Variants in ARID1B observed in about 807,000 individuals in gnomAD.
ARID1B encodes the protein AT-rich interactive domain-containing protein 1B.
ARID1B carries 30 observed loss-of-function variants against 212.3 expected under a neutral mutation model. That is an observed-to-expected ratio of 0.14 (90% CI 0.11 to 0.19). The LOEUF is 0.19. Ranked by LOEUF, ARID1B falls within the 10% of genes least tolerant of loss-of-function variation. The probability of loss-of-function intolerance (pLI) is 1.00; values close to 1 mark genes in which losing one functional copy is unlikely to be tolerated. For synonymous variants in ARID1B, 1,402 were observed against 1,301.7 expected (o/e 1.08, Z -1.66); for missense variants, 2,891 against 3,204.0 (o/e 0.90, Z 2.36).
At chr6:157,009,759 G>T (rs948295959) in intron 4 of ARID1B, among the ~76,000 whole-genome samples, 5 of 152,176 alleles carry the variant, frequency 3.3e-5, no homozygotes, top group Admixed American at 2.0e-4. Flanking sequence ...TGACATCTCT[G>T]TGCTATATAG....
intron 1 of ARID1B, among the ~76,000 whole-genome samples, chr6:156,801,298 T>G (rs1158893299): frequency 6.6e-6 from 1 of 151,322 alleles, no homozygotes; most frequent in East Asian, 1.9e-4. Flanking sequence ...CCTCCCGGTT[T>G]CAAGCAATTC....
intron 5 of ARID1B, among the ~76,000 whole-genome samples, chr6:157,096,112 C>A (rs1785607836): frequency 6.6e-6 from 1 of 152,088 alleles, no homozygotes; most frequent in Non-Finnish European, 1.5e-5. Flanking sequence ...TCCTCCTTAC[C>A]CTTCAAGACC....
chr6:157,143,857 C>T (rs1583392591), intron 7 of ARID1B, among the ~76,000 whole-genome samples: 1 of 152,346 alleles, frequency 6.6e-6, no homozygotes, highest in South Asian at 2.1e-4. Flanking sequence ...GTAATTAGAA[C>T]ATTTTTCCTT....
intron 1 of ARID1B, among the ~76,000 whole-genome samples, chr6:156,808,539 C>G (rs987055754): frequency 6.6e-6 from 1 of 152,190 alleles, no homozygotes; most frequent in Non-Finnish European, 1.5e-5. Context: ...TCTTACAGTC[C>G]TCATACCACA....
intron 15 of ARID1B, chr6:157,194,238 C>T (rs1205456943): frequency 2.0e-5 from 3 of 152,168 alleles, no homozygotes; most frequent in African/African-American, 4.8e-5. Flanking sequence ...AATTATGTCA[C>T]GTGATTTCTT....
chr6:156,892,831 T>C (rs74365629), intron 2 of ARID1B, among the ~76,000 whole-genome samples: 4,858 of 152,288 alleles, frequency 0.032, 93 homozygotes, highest in Non-Finnish European at 0.047. Flanking sequence ...TAGTTCTTGA[T>C]GGATGTGTAA....
intron 4 of ARID1B, among the ~76,000 whole-genome samples, chr6:156,965,971 T>C (rs905158689): frequency 6.6e-6 from 1 of 152,232 alleles, no homozygotes; most frequent in Admixed American, 6.5e-5. Context: ...TTTGCTTTTA[T>C]TTTCTTTTAA....
intron 11 of ARID1B, among the ~76,000 whole-genome samples, chr6:157,178,280 A>T (rs1238122859): frequency 1.3e-5 from 2 of 152,194 alleles, no homozygotes; most frequent in African/African-American, 4.8e-5. Flanking sequence ...ATGGAAAAAA[A>T]AAATGCTATC....
chr6:156,900,214 C>G (rs1228964826), intron 2 of ARID1B, among the ~76,000 whole-genome samples: 1 of 152,172 alleles, frequency 6.6e-6, no homozygotes, highest in African/African-American at 2.4e-5. Context: ...TAATCTCATC[C>G]TCTTTGGTAG....
intron 1 of ARID1B, among the ~76,000 whole-genome samples, chr6:156,798,459 T>C (rs527263075): frequency 1.3e-5 from 2 of 152,392 alleles, no homozygotes; most frequent in South Asian, 4.1e-4. Flanking sequence ...GAAGGGTGCA[T>C]GCGCTTTGGC....
At chr6:157,195,391 C>A in intron 15 of ARID1B, 1 of 152,386 alleles carries the variant, frequency 6.6e-6, no homozygotes, top group Non-Finnish European at 1.5e-5. Flanking sequence ...ACGTGATCCC[C>A]CTCCACAGCA....
intron 1 of ARID1B, among the ~76,000 whole-genome samples, chr6:156,817,389 A>G (rs1207739820): frequency 6.6e-6 from 1 of 152,092 alleles, no homozygotes; most frequent in African/African-American, 2.4e-5. Context: ...TAATCCCAGC[A>G]CTTTGGGAGG....
chr6:157,178,681 G>A (rs766748791), intron 11 of ARID1B, among the ~76,000 whole-genome samples: 1 of 152,062 alleles, frequency 6.6e-6, no homozygotes, highest in Non-Finnish European at 1.5e-5. Context: ...AATTTTTCCA[G>A]TGTTATGACA....
intron 8 of ARID1B, chr6:157,152,552 T>A (rs1790275865): frequency 6.6e-6 from 1 of 152,214 alleles, no homozygotes; most frequent in African/African-American, 2.4e-5. Flanking sequence ...AGAAGTTAAG[T>A]TTTATTTCTA....
At chr6:156,853,396 C>T (rs1784707537) in intron 2 of ARID1B, among the ~76,000 whole-genome samples, 1 of 152,190 alleles carries the variant, frequency 6.6e-6, no homozygotes, top group South Asian at 2.1e-4. Flanking sequence ...TAGACCCAGT[C>T]CTCTAGGGTG....
At chr6:157,166,250 A>G (rs1186573161) in intron 8 of ARID1B, 1 of 152,204 alleles carries the variant, frequency 6.6e-6, no homozygotes, top group Non-Finnish European at 1.5e-5. Context: ...TCTGCTTCAA[A>G]TCAGAGAATA....
At chr6:156,806,408 A>C (rs56916194) in intron 1 of ARID1B, among the ~76,000 whole-genome samples, 2,688 of 152,296 alleles carry the variant, frequency 0.018, 93 homozygotes, top group African/African-American at 0.062. Context: ...CCTGCTCTCT[A>C]CGTGTCCTTT....
intron 8 of ARID1B, among the ~76,000 whole-genome samples, chr6:157,152,976 G>A (rs1392616120): frequency 2.0e-5 from 3 of 152,190 alleles, no homozygotes. Context: ...AAGGTGGAGC[G>A]TGAGTGAGTG....
chr6:156,893,993 T>A (rs967811559), intron 2 of ARID1B, among the ~76,000 whole-genome samples: 2 of 152,110 alleles, frequency 1.3e-5, no homozygotes, highest in Non-Finnish European at 2.9e-5. Flanking sequence ...TAAACCCCTA[T>A]TCAGAGCAGC....
Sources: gnomAD v4.1 joint callset for allele counts (sites outside exome capture counted in the v4.1 genomes callset) on GRCh38, gnomAD v4.1.1 for gene constraint, MANE v1.5 for transcripts, NCBI Gene and HGNC (gene_info 2026-07-23, HGNC 2026-07-21) for gene names.